Variants in PTN observed in about 807,000 individuals in gnomAD.
PTN encodes the protein heparin affin regulatory protein.
PTN carries 18 observed loss-of-function variants against 24.1 expected under a neutral mutation model. The ratio of observed to expected loss-of-function variants is 0.75; its 90% CI spans 0.52 to 1.11. The LOEUF is 1.11. Ranked by LOEUF, PTN falls within the 50% of genes least tolerant of loss-of-function variation. The pLI, the probability that PTN is intolerant of heterozygous loss-of-function variation, is 0.00. For missense variants in PTN, 163 were observed against 198.8 expected (o/e 0.82, Z 1.08); for synonymous variants, 78 against 68.6 (o/e 1.14, Z -0.67).
intron 1 of PTN, among the ~76,000 whole-genome samples, chr7:137,291,229 TGAAA>T (rs1809634912): frequency 6.6e-6 from 1 of 152,184 alleles, no homozygotes; most frequent in South Asian, 2.1e-4. Context: ...GCCCATTTTT[TGAAA>T]GAAGTTACCT....
intron 1 of PTN, among the ~76,000 whole-genome samples, chr7:137,305,052 C>T (rs1460236284): frequency 3.9e-5 from 6 of 152,110 alleles, no homozygotes; most frequent in East Asian, 1.9e-4. Flanking sequence ...AAGAAAGTGA[C>T]GCAAATCAGA....
rs1808722367 is a variant in PTN, at chr7:137,246,296, T to A, written c.451+4934A>T. On this transcript the variant is annotated intron_variant, in intron 4 of 4. Coordinates refer to ENST00000348225, the MANE Select transcript of PTN (RefSeq NM_002825.7). ...TACAGTATTCAGTACAGTAACATGC[T>A]GTATAGATTTGCAGCCTAGGAGCAA... Among the ~76,000 whole-genome samples, 3 of 152,352 alleles carry A rather than the reference T, an allele frequency of 2.0e-5. No individual in the cohort carries two copies. The South Asian group carries it at 6.2e-4, about 32-fold the overall frequency.
chr7:137,308,308 G>A (rs980213497), intron 1 of PTN, among the ~76,000 whole-genome samples: 1 of 152,092 alleles, frequency 6.6e-6, no homozygotes, highest in Non-Finnish European at 1.5e-5. Flanking sequence ...CCATCCAAAG[G>A]AAGAAAGGTT....
chr7:137,272,396 TC>T (rs1809289867), intron 1 of PTN, among the ~76,000 whole-genome samples: 1 of 152,222 alleles, frequency 6.6e-6, no homozygotes, highest in African/African-American at 2.4e-5. Context: ...CAATCCCCTT[TC>T]CTGGCAAATC....
intron 4 of PTN, among the ~76,000 whole-genome samples, chr7:137,249,732 G>T (rs942562525): frequency 6.6e-6 from 1 of 152,156 alleles, no homozygotes; most frequent in Non-Finnish European, 1.5e-5. Flanking sequence ...CATTTGGGAA[G>T]TCTGCATAAG....
intron 1 of PTN, among the ~76,000 whole-genome samples, chr7:137,338,081 T>C (rs1428072345): frequency 2.0e-5 from 3 of 152,100 alleles, no homozygotes; most frequent in Non-Finnish European, 4.4e-5. Context: ...TGGGGAGACT[T>C]CGAAGACAAG....
intron 1 of PTN, among the ~76,000 whole-genome samples, chr7:137,305,306 A>G (rs2128879118): frequency 6.6e-6 from 1 of 152,160 alleles, no homozygotes; most frequent in African/African-American, 2.4e-5. Context: ...TCTTTATCAT[A>G]TGAATGCTGG....
chr7:137,301,973 T>G (rs1809814072), intron 1 of PTN, among the ~76,000 whole-genome samples: 1 of 152,026 alleles, frequency 6.6e-6, no homozygotes, highest in South Asian at 2.1e-4. Context: ...ATTTTTGTTA[T>G]TGTTTTTTCA....
At chr7:137,297,877 A>G (rs1180312496) in intron 1 of PTN, among the ~76,000 whole-genome samples, 1 of 139,626 alleles carries the variant, frequency 7.2e-6, no homozygotes, top group Non-Finnish European at 1.6e-5. Context: ...TCAAGAAGAT[A>G]TCCAAGGGGC....
chr7:137,277,255 A>T (rs1809375537), intron 1 of PTN, among the ~76,000 whole-genome samples: 1 of 152,210 alleles, frequency 6.6e-6, no homozygotes, highest in South Asian at 2.1e-4. Context: ...ACCAAAATTC[A>T]CAGACTGACC....
At chr7:137,265,730 C>A (rs899886994) in intron 1 of PTN, among the ~76,000 whole-genome samples, 16 of 152,220 alleles carry the variant, frequency 1.1e-4, no homozygotes, top group African/African-American at 3.9e-4. Context: ...GGGCCTCTGG[C>A]CTGCCATGTG....
intron 1 of PTN, among the ~76,000 whole-genome samples, chr7:137,256,911 C>G (rs1444175951): frequency 1.3e-5 from 2 of 152,084 alleles, no homozygotes; most frequent in Admixed American, 6.6e-5. Flanking sequence ...TGAAAAAAAG[C>G]TCAACATCAC....
Position 137,252,225 on chromosome 7 carries a change from TTTGA to T in PTN, c.290-838_290-835del, listed in dbSNP as rs1229288818. Among the ~76,000 whole-genome samples, 3 of 151,930 alleles carry T rather than the reference TTTGA, an allele frequency of 2.0e-5. 1 individual carries two copies. Among genetic ancestry groups the T allele is most frequent in the African/African-American group, 7.3e-5 (3 of 41,178 alleles). On this transcript the variant is annotated intron_variant, in intron 3 of 4. Transcript: ENST00000348225. Reference sequence around the variant, plus strand: ...TGTCACTATTTTTTATTCTAGCCACTTTGATAGATGTAGAGTGATATCTCATTAT... The same window carrying T: ...TGTCACTATTTTTTATTCTAGCCACTTAGATGTAGAGTGATATCTCATTAT...
At chr7:137,239,407 T>TTTATTTATTTATTTATTTATTTA (rs1431635224) in intron 4 of PTN, among the ~76,000 whole-genome samples, 2 of 143,090 alleles carry the variant, frequency 1.4e-5, no homozygotes, top group Admixed American at 7.1e-5. Flanking sequence ...TATTTATTTA[T>TTTATTTATTTATTTATTTATTTA]TTATTATTAT....
intron 4 of PTN, among the ~76,000 whole-genome samples, chr7:137,230,336 CT>C (rs1485004171): frequency 6.6e-6 from 1 of 151,776 alleles, no homozygotes; most frequent in Non-Finnish European, 1.5e-5. Flanking sequence ...TAATTGACAA[CT>C]TGCTAAATAC....
chr7:137,253,781 GATGA>G lies in PTN; in HGVS notation c.116-148_116-145del, dbSNP rs761559618. On this transcript the variant is annotated intron_variant, in intron 2 of 4. Transcript: ENST00000348225. The stretch of plus-strand genomic sequence containing the variant: ...ATTGTCTAATGAATAGTAGAAACAT[GATGA>G]ATATTAACCAAATTATTGAACCAAT... 13 of 687,944 alleles carry G rather than the reference GATGA, an allele frequency of 1.9e-5. No individual in the cohort carries two copies. The South Asian group carries it at 4.9e-4, about 26-fold the overall frequency. The allele number at this position is 687,944 out of a possible 1,614,324, so 42.6% of individuals were successfully genotyped here.
At chr7:137,321,376 C>A (rs1351112833) in intron 1 of PTN, among the ~76,000 whole-genome samples, 1 of 152,094 alleles carries the variant, frequency 6.6e-6, no homozygotes, top group Admixed American at 6.6e-5. Flanking sequence ...CGTTTTTAAC[C>A]ACATCTTTTA....
intron 3 of PTN, among the ~76,000 whole-genome samples, chr7:137,252,510 T>C (rs1047712948): frequency 1.3e-5 from 2 of 151,942 alleles, no homozygotes; most frequent in Non-Finnish European, 2.9e-5. Context: ...AGTGGGTTTT[T>C]AAGGTGCCCA....
chr7:137,237,536 T>G (rs2128868452), intron 4 of PTN, among the ~76,000 whole-genome samples: 1 of 152,322 alleles, frequency 6.6e-6, no homozygotes, highest in East Asian at 1.9e-4. Context: ...ATTTTTAAAT[T>G]TGTCCTCCAG....
Sources: gnomAD v4.1 joint callset for allele counts (sites outside exome capture counted in the v4.1 genomes callset) on GRCh38, gnomAD v4.1.1 for gene constraint, MANE v1.5 for transcripts, NCBI Gene and HGNC (gene_info 2026-07-23, HGNC 2026-07-21) for gene names.